Variants in REDIC1 observed in about 807,000 individuals in gnomAD.
REDIC1 encodes the protein HEI10 Interacting Protein 1.
chr12:39,695,065 G>C, the REDIC1 span, among the ~76,000 whole-genome samples: 1 of 152,102 alleles, frequency 6.6e-6, no homozygotes, highest in African/African-American at 2.4e-5. Flanking sequence ...CCTGCTAACT[G>C]AGGAGCCCTG....
At chr12:39,895,058 G>A in the REDIC1 span, among the ~76,000 whole-genome samples, 1 of 152,032 alleles carries the variant, frequency 6.6e-6, no homozygotes, top group Non-Finnish European at 1.5e-5. Context: ...TTTTTGAGAT[G>A]GGGTCTCACT....
chr12:39,803,867 C>T, the REDIC1 span, among the ~76,000 whole-genome samples: 1 of 151,952 alleles, frequency 6.6e-6, no homozygotes, highest in Non-Finnish European at 1.5e-5. Context: ...AAACAAGAAT[C>T]TTCATATTTA....
At chr12:39,807,206 T>G in the REDIC1 span, among the ~76,000 whole-genome samples, 1 of 152,176 alleles carries the variant, frequency 6.6e-6, no homozygotes, top group Non-Finnish European at 1.5e-5. Flanking sequence ...CAGGGCCACG[T>G]AGGATGTGGG....
the REDIC1 span, among the ~76,000 whole-genome samples, chr12:39,712,481 C>G: frequency 1.6e-5 from 2 of 125,252 alleles, no homozygotes; most frequent in African/African-American, 5.9e-5. Context: ...TATATACATA[C>G]AGGTATATAT....
chr12:39,736,661 G>A, the REDIC1 span: 1 of 152,226 alleles, frequency 6.6e-6, no homozygotes, highest in Non-Finnish European at 1.5e-5. Flanking sequence ...CCAAGGCTAT[G>A]TCGTAAAAGG....
At chr12:39,727,274 A>G in the REDIC1 span, among the ~76,000 whole-genome samples, 2 of 152,104 alleles carry the variant, frequency 1.3e-5, no homozygotes, top group African/African-American at 2.4e-5. Context: ...TAGGGTTTTT[A>G]TGGTTTTAAG....
the REDIC1 span, among the ~76,000 whole-genome samples, chr12:39,688,735 G>C: frequency 1.6e-4 from 24 of 152,272 alleles, no homozygotes; most frequent in Admixed American, 1.2e-3. Context: ...AGAGCTTGAA[G>C]TTTTACAATA....
the REDIC1 span, among the ~76,000 whole-genome samples, chr12:39,745,505 G>A: frequency 6.6e-6 from 1 of 152,094 alleles, no homozygotes; most frequent in Non-Finnish European, 1.5e-5. Flanking sequence ...TTTGGATATA[G>A]GATTTTTGTG....
the REDIC1 span, among the ~76,000 whole-genome samples, chr12:39,883,132 T>C: frequency 6.6e-6 from 1 of 152,162 alleles, no homozygotes; most frequent in Non-Finnish European, 1.5e-5. Flanking sequence ...TAAGTATATA[T>C]CATTAAATTT....
At chr12:39,895,541 TATATATATATAC>T in the REDIC1 span, among the ~76,000 whole-genome samples, 12 of 93,504 alleles carry the variant, frequency 1.3e-4, 1 homozygote, top group East Asian at 7.7e-4. Context: ...TATATATATA[TATATATATATAC>T]ACACACACAC....
chr12:39,641,850 G>C, the REDIC1 span, among the ~76,000 whole-genome samples: 1,129 of 151,724 alleles, frequency 7.4e-3, 15 homozygotes, highest in African/African-American at 0.025. Flanking sequence ...TTCCTTCCCA[G>C]CTATCCCCTT....
the REDIC1 span, among the ~76,000 whole-genome samples, chr12:39,717,717 T>G: frequency 6.6e-6 from 1 of 152,096 alleles, no homozygotes; most frequent in African/African-American, 2.4e-5. Flanking sequence ...TACTTTAGCT[T>G]CAGAGCCTGT....
the REDIC1 span, among the ~76,000 whole-genome samples, chr12:39,837,475 A>C: frequency 1.8e-3 from 250 of 136,972 alleles, 1 homozygote; most frequent in South Asian, 0.053. Context: ...GCAACAAAAG[A>C]CAAAATTGAC....
At chr12:39,826,930 T>C in the REDIC1 span, among the ~76,000 whole-genome samples, 1 of 141,502 alleles carries the variant, frequency 7.1e-6, no homozygotes, top group Admixed American at 7.7e-5. Context: ...GTGGCTTCCT[T>C]GCCTCCAATA....
At chr12:39,628,851 A>G in the REDIC1 span, among the ~76,000 whole-genome samples, 1 of 152,194 alleles carries the variant, frequency 6.6e-6, no homozygotes, top group African/African-American at 2.4e-5. Context: ...TGATTTATAT[A>G]CAAATATTAT....
chr12:39,861,071 A>G, the REDIC1 span, among the ~76,000 whole-genome samples: 1 of 152,162 alleles, frequency 6.6e-6, no homozygotes, highest in Non-Finnish European at 1.5e-5. Context: ...AGTTCCTTGC[A>G]CTTGCCACGT....
chr12:39,640,851 C>A, the REDIC1 span: 3 of 726,876 alleles, frequency 4.1e-6, no homozygotes, highest in South Asian at 2.1e-5. Context: ...AATGATACTA[C>A]ACTTTTAGAT....
At chr12:39,754,449 T>C in the REDIC1 span, 1 of 152,150 alleles carries the variant, frequency 6.6e-6, no homozygotes, top group East Asian at 1.9e-4. Flanking sequence ...TGTAAGCCTT[T>C]GAATGACAGT....
chr12:39,889,394 T>C, the REDIC1 span, among the ~76,000 whole-genome samples: 19 of 152,238 alleles, frequency 1.2e-4, no homozygotes, highest in Middle Eastern at 3.4e-3. Flanking sequence ...TTAGTATAAA[T>C]ATAGCCTTAT....
Sources: gnomAD v4.1 joint callset for allele counts (sites outside exome capture counted in the v4.1 genomes callset) on GRCh38, gnomAD v4.1.1 for gene constraint, MANE v1.5 for transcripts, NCBI Gene and HGNC (gene_info 2026-07-23, HGNC 2026-07-21) for gene names.